The following CASTOR2 variants were observed in gnomAD, a reference collection of about 807,000 sequenced individuals.
The protein encoded by CASTOR2 is GATS protein like 2.
CASTOR2 carries 8 observed loss-of-function variants against 31.2 expected under a neutral mutation model. That is an observed-to-expected ratio of 0.26 (90% confidence interval 0.15 to 0.46). The LOEUF (loss-of-function observed/expected upper bound fraction) is 0.46, where lower values mean the gene tolerates loss of function less well. CASTOR2 is among the 20% of genes least tolerant of loss of function. CASTOR2 has a pLI of 0.99. For missense variants in CASTOR2, 216 were observed against 382.1 expected, an observed-to-expected ratio of 0.57 and a Z score of 3.62; for synonymous variants, 162 against 158.7, an observed-to-expected ratio of 1.02 and a Z score of -0.16.
Position 75,027,699 on chromosome 7 carries a change from T to C in CASTOR2, c.*3000T>C. 1 of 376,806 alleles carries C rather than the reference T, an allele frequency of 2.7e-6. No homozygotes were observed. The highest frequency in any genetic ancestry group is 5.0e-6 in the Non-Finnish European group (1 of 201,258). 23.3% of individuals were successfully genotyped at this position (376,806 alleles called of 1,614,324 possible). A position where few individuals can be genotyped will look rare whatever the true frequency, so the allele number is the denominator to read the frequency against. On this transcript the variant is annotated 3_prime_UTR_variant, in exon 9 of 9. Coordinates refer to ENST00000616305, the MANE Select transcript of CASTOR2 (RefSeq NM_001145064.3). The stretch of plus-strand genomic sequence containing the variant: ...CTGTTCAAGCCCGCTCCGTGGGAGC[T>C]GCCCCCTGGGGACCCTGCTCCTCGG...
intron 2 of CASTOR2, among the ~76,000 whole-genome samples, chr7:75,011,631 G>C (rs1804747664): frequency 6.7e-6 from 1 of 148,304 alleles, no homozygotes; most frequent in Admixed American, 6.8e-5. Context: ...AGCTACTTGG[G>C]AGGCTGAGGC....
At chr7:75,024,143 A>T (rs1353257398) in intron 7 of CASTOR2, among the ~76,000 whole-genome samples, 1 of 152,126 alleles carries the variant, frequency 6.6e-6, no homozygotes, top group Non-Finnish European at 1.5e-5. Flanking sequence ...CAAAAAAATT[A>T]GCTGGGCATG....
At chr7:75,005,679 A>T (rs1160824350) in intron 1 of CASTOR2, among the ~76,000 whole-genome samples, 10 of 152,218 alleles carry the variant, frequency 6.6e-5, no homozygotes, top group Non-Finnish European at 1.3e-4. Context: ...TGGGTGGTCA[A>T]TGTGTGCTGA....
intron 1 of CASTOR2, among the ~76,000 whole-genome samples, chr7:74,975,059 C>T (rs1803769985): frequency 1.3e-5 from 2 of 151,326 alleles, no homozygotes; most frequent in Middle Eastern, 3.4e-3. Flanking sequence ...ACCTCTGCCT[C>T]CTGGGTTGAA....
In CASTOR2 at chr7:75,028,026, A is replaced by C; in HGVS notation, c.*3327A>C. 1 of 1,533,116 alleles carries C rather than the reference A, an allele frequency of 6.5e-7. No individual in the cohort carries two copies. The highest frequency in any genetic ancestry group is 1.2e-5 in the South Asian group (1 of 83,960). The allele number at this position is 1,533,116 out of a possible 1,614,324, so 95.0% of individuals were successfully genotyped here. On this transcript the variant is annotated 3_prime_UTR_variant, in exon 9 of 9. Transcript: ENST00000616305. ...TACCTGTTTGCCGTCCATCCCCCGG[A>C]GGTAATCAGAGGAGTGGGCCTGTTG...
chr7:74,977,594 G>A (rs1803846399), intron 1 of CASTOR2, among the ~76,000 whole-genome samples: 2 of 148,228 alleles, frequency 1.3e-5, no homozygotes. Context: ...TGTGAGCCAG[G>A]ATGGTCTCGA....
chr7:75,005,266 C>T (rs1466540569), intron 1 of CASTOR2, among the ~76,000 whole-genome samples: 16 of 152,180 alleles, frequency 1.1e-4, no homozygotes, highest in African/African-American at 3.4e-4. Flanking sequence ...AGTGTCTACC[C>T]GTCCCCTGAT....
intron 1 of CASTOR2, 142 bp from the exon 2 acceptor site, chr7:75,007,852 A>G (rs1333332065): frequency 1.9e-6 from 2 of 1,074,228 alleles, no homozygotes; most frequent in Admixed American, 4.0e-5. Flanking sequence ...GGAGAGATAA[A>G]CAACTTACCC....
At chr7:75,020,213 T>A in intron 6 of CASTOR2, 64 bp downstream of exon 6, 1 of 1,370,076 alleles carries the variant, frequency 7.3e-7, no homozygotes, top group Non-Finnish European at 1.0e-6. Flanking sequence ...GGGGACTATG[T>A]GATGGCACAT....
At chr7:74,967,586 G>A (rs1204219690) in intron 1 of CASTOR2, among the ~76,000 whole-genome samples, 1 of 82,024 alleles carries the variant, frequency 1.2e-5, no homozygotes, top group African/African-American at 4.8e-5. Context: ...GCTCTTGTCC[G>A]GGCTGGAGTG....
chr7:75,009,016 G>T (rs1804667990), intron 2 of CASTOR2, among the ~76,000 whole-genome samples: 2 of 152,138 alleles, frequency 1.3e-5, no homozygotes, highest in South Asian at 4.1e-4. Context: ...GAGTGCAATG[G>T]CACGATCTCG....
chr7:75,022,269 C>T (rs1805024121), intron 7 of CASTOR2, among the ~76,000 whole-genome samples: 1 of 152,114 alleles, frequency 6.6e-6, no homozygotes, highest in Non-Finnish European at 1.5e-5. Context: ...CTTTGGGAGG[C>T]CGAGGTGGAA....
chr7:75,022,143 C>T (rs967147635), intron 7 of CASTOR2, among the ~76,000 whole-genome samples, 187 bp downstream of exon 7: 12 of 152,142 alleles, frequency 7.9e-5, no homozygotes, highest in African/African-American at 2.2e-4. Context: ...TGGGGAAGTG[C>T]GGAGCAGGCT....
At chr7:75,005,153 C>T (rs1804579550) in intron 1 of CASTOR2, among the ~76,000 whole-genome samples, 1 of 152,196 alleles carries the variant, frequency 6.6e-6, no homozygotes, top group South Asian at 2.1e-4. Context: ...AGGCGTGAGC[C>T]ACCGCACCCG....
chr7:74,976,969 G>A (rs1208073969), intron 1 of CASTOR2, among the ~76,000 whole-genome samples: 1 of 149,534 alleles, frequency 6.7e-6, no homozygotes, highest in Non-Finnish European at 1.5e-5. Context: ...TACATCGCCT[G>A]AGGTCAGTAG....
Position 75,029,362 on chromosome 7 carries a change from CTT to C in CASTOR2, c.*4681_*4682del, listed in dbSNP as rs1177516960. 9.4e-4 allele frequency among the ~76,000 whole-genome samples: 119 copies of C among 126,102 alleles called. No homozygotes were observed. The highest frequency in any genetic ancestry group is 7.9e-3 in the Middle Eastern group (2 of 252). The allele number at this position is 126,102 out of a possible 152,430, so 82.7% of individuals were successfully genotyped here. On this transcript the variant is annotated 3_prime_UTR_variant, in exon 9 of 9. Coordinates refer to ENST00000616305, the MANE Select transcript of CASTOR2 (RefSeq NM_001145064.3). ...CACCTCAGCCCTGCAATGGGGGGAT[CTT>C]TTTTTTTTTTTTTTTTTGAGACAGG...
chr7:75,007,356 T>G (rs1171551346), intron 1 of CASTOR2, among the ~76,000 whole-genome samples: 1 of 152,096 alleles, frequency 6.6e-6, no homozygotes, highest in East Asian at 1.9e-4. Flanking sequence ...TAGATGGTTT[T>G]GTTTTGCGGG....
intron 1 of CASTOR2, among the ~76,000 whole-genome samples, chr7:74,988,591 C>T (rs1804129039): frequency 6.6e-6 from 1 of 152,154 alleles, no homozygotes; most frequent in Non-Finnish European, 1.5e-5. Flanking sequence ...GCCACCGCAC[C>T]CGGCCCACGC....
chr7:75,021,771 GC>G, intron 6 of CASTOR2, 102 bp from the exon 7 acceptor site: 1 of 1,438,788 alleles, frequency 7.0e-7, no homozygotes, highest in Non-Finnish European at 9.6e-7. Flanking sequence ...GCCCAACCCT[GC>G]CTGGCCAGCC....
Sources: gnomAD v4.1 joint callset for allele counts (sites outside exome capture counted in the v4.1 genomes callset) on GRCh38, gnomAD v4.1.1 for gene constraint, MANE v1.5 for transcripts, NCBI Gene and HGNC (gene_info 2026-07-23, HGNC 2026-07-21) for gene names.